CLUH: variants seen among roughly 807,000 people sequenced by gnomAD.
CLUH encodes CLUH binding protein of NUMT mRNA.
Under a neutral mutation model 139.3 loss-of-function variants are expected in CLUH, and 77 were observed. The observed-to-expected ratio is 0.55, with a 90% confidence interval of 0.46 to 0.67. CLUH has a LOEUF of 0.67. Ranked by LOEUF, CLUH falls within the 30% of genes least tolerant of loss-of-function variation. The pLI is 0.00. For missense variants in CLUH, 1,876 were observed against 1,875.8 expected, an observed-to-expected ratio of 1.00 and a Z score of 0.00; for synonymous variants, 999 against 801.6, an observed-to-expected ratio of 1.25 and a Z score of -4.16.
chr17:2,711,668 G>A lies in CLUH; in HGVS notation c.-7C>T, dbSNP rs1271446637. On this transcript the variant is annotated 5_prime_UTR_variant, in exon 1 of 26. Transcript: ENST00000651024. ...CGTCCGTCTTGATAACCATGGTGGC[G>A]GGAGCGGGCGTCCGCCTCGGCTGTC... 3.1e-6 allele frequency: 3 copies of A among 982,052 alleles called. No homozygotes were observed. The highest frequency in any genetic ancestry group is 2.3e-4 in the East Asian group (2 of 8,762). 60.8% of individuals were successfully genotyped at this position (982,052 alleles called of 1,614,324 possible).
chr17:2,691,461 CT>C, intron 25 of CLUH, 147 bp downstream of exon 25: 2 of 765,572 alleles, frequency 2.6e-6, no homozygotes, highest in Non-Finnish European at 4.4e-6. Flanking sequence ...ACTGGGGAGG[CT>C]GAGGCAGGAG....
In CLUH at chr17:2,690,574, C is replaced by A; in HGVS notation, c.*20G>T. The stretch of plus-strand genomic sequence containing the variant: ...CCCTGGTGACGGGGCCGCTGGCTGG[C>A]TGTCCGTCTGGCTCCCTCTCTATCC... On this transcript the variant is annotated 3_prime_UTR_variant, in exon 26 of 26. Coordinates refer to ENST00000651024, the MANE Select transcript of CLUH (RefSeq NM_001366661.1). 1.4e-6 allele frequency: 2 copies of A among 1,430,372 alleles called. No individual in the cohort carries two copies. The highest frequency in any genetic ancestry group is 1.5e-5 in the South Asian group (1 of 64,820). 88.6% of individuals were successfully genotyped at this position (1,430,372 alleles called of 1,614,324 possible). A position where few individuals can be genotyped will look rare whatever the true frequency, so the allele number is the denominator to read the frequency against.
chr17:2,691,498 C>T, intron 25 of CLUH, 111 bp downstream of exon 25: 5 of 1,078,318 alleles, frequency 4.6e-6, no homozygotes, highest in Non-Finnish European at 5.5e-6. Flanking sequence ...GAGGCGGAGG[C>T]TGCAGTGAGC....
intron 12 of CLUH, 87 bp from the exon 13 acceptor site, chr17:2,696,346 G>T: frequency 6.6e-7 from 1 of 1,507,440 alleles, no homozygotes; most frequent in South Asian, 1.2e-5. Flanking sequence ...TCAGATGGGG[G>T]ACAAACCCAC....
Position 2,694,843 on chromosome 17 carries a change from T to G in CLUH, c.2852+14A>C. The G allele has an allele frequency of 2.0e-5, 11 of 558,830 alleles. No homozygotes were observed. The highest frequency in any genetic ancestry group is 2.7e-5 in the Non-Finnish European group (9 of 336,838). 34.6% of individuals were successfully genotyped at this position (558,830 alleles called of 1,614,324 possible). A position where few individuals can be genotyped will look rare whatever the true frequency, so the allele number is the denominator to read the frequency against. Reference sequence around the variant, plus strand: ...CCAATCCCACCCACCCCACCGCCCCTGCCCCGCACGCACCACTCGAGGTCG... The same window carrying G: ...CCAATCCCACCCACCCCACCGCCCCGGCCCCGCACGCACCACTCGAGGTCG... On this transcript the variant is annotated intron_variant, in intron 16 of 25. Transcript: ENST00000651024.
rs533625740 is a variant in CLUH at position 2,694,574 on chromosome 17, G to A, written c.2853-10C>T. 5 of 1,566,812 alleles carry A rather than the reference G, an allele frequency of 3.2e-6. No individual in the cohort carries two copies. The South Asian group carries it at 4.7e-5, about 15-fold the overall frequency. ...CTGGTCCACGGTCTCACTGAGGAGG[G>A]AGCAGGGGGCCTGAGCAGCCCAAGC... On this transcript the variant is annotated splice_polypyrimidine_tract_variant and intron_variant, in intron 16 of 25. Transcript: ENST00000651024.
Position 2,694,874 on chromosome 17 carries a change from AAAG to A in CLUH, c.2832_2834del (p.Phe945del). ...GCACGCACCACTCGAGGTCGAAGTC[AAAG>A]TAGTTCTTGGCCTCCTGGCAGATGT... On this transcript the variant is annotated inframe_deletion, in exon 16 of 26. Coordinates refer to ENST00000651024, the MANE Select transcript of CLUH (RefSeq NM_001366661.1). 2 of 1,530,824 alleles carry A rather than the reference AAAG, an allele frequency of 1.3e-6. No individual in the cohort carries two copies. The highest frequency in any genetic ancestry group is 1.8e-6 in the Non-Finnish European group (2 of 1,134,904). The allele number at this position is 1,530,824 out of a possible 1,614,324, so 94.8% of individuals were successfully genotyped here.
Position 2,690,578 on chromosome 17 carries a change from C to T in CLUH, c.*16G>A, listed in dbSNP as rs2069582357. The T allele has an allele frequency of 1.4e-6, 2 of 1,432,560 alleles. No homozygotes were observed. The highest frequency in any genetic ancestry group is 1.8e-6 in the Non-Finnish European group (2 of 1,089,304). The allele number at this position is 1,432,560 out of a possible 1,614,324, so 88.7% of individuals were successfully genotyped here. On this transcript the variant is annotated 3_prime_UTR_variant, in exon 26 of 26. Transcript: ENST00000651024. ...GGTGACGGGGCCGCTGGCTGGCTGT[C>T]CGTCTGGCTCCCTCTCTATCCCTGC...
intron 3 of CLUH, 88 bp from the exon 4 acceptor site, chr17:2,702,145 A>C: frequency 6.8e-7 from 1 of 1,465,308 alleles, no homozygotes. Flanking sequence ...TGGAGGTGCT[A>C]ACACAGTGGT....
chr17:2,695,816 T>C (rs1429820705), intron 13 of CLUH: 4 of 580,478 alleles, frequency 6.9e-6, no homozygotes, highest in Non-Finnish European at 1.2e-5. Flanking sequence ...GGCCACGGTG[T>C]TGGGGGAGCA....
chr17:2,698,445 C>T lies in CLUH; in HGVS notation c.1412G>A (p.Arg471Gln), dbSNP rs1401086451. The T allele has an allele frequency of 2.2e-5, 35 of 1,613,234 alleles. No individual in the cohort carries two copies. Among genetic ancestry groups the T allele is most frequent in the Non-Finnish European group, 2.7e-5 (32 of 1,179,842 alleles). ...NIFFSLGFDV[R>Q]DHYKDFGGDV... ...CCCCCCGAAGTCCTTGTAGTGGTCT[C>T]GGACGTCGAAGCCCAGGCTGAAGAA... Residue 471 changes from arginine (R) to glutamine (Q), a missense_variant, in exon 10 of 26, where the codon CGA (arginine) becomes CAA (glutamine). Physicochemically the swap from Arg to Gln is conservative, Grantham distance 43 (BLOSUM62 1). Coordinates refer to ENST00000651024, the MANE Select transcript of CLUH (RefSeq NM_001366661.1).
chr17:2,694,651 C>T (rs1277172031), intron 16 of CLUH, 87 bp from the exon 17 acceptor site: 1 of 1,398,894 alleles, frequency 7.1e-7, no homozygotes. Context: ...CGCTGTCCAG[C>T]CCGGGCCCCC....
Position 2,691,785 on chromosome 17 carries a change from G to C in CLUH, c.3765C>G (p.Ser1255=). Residue 1255 remains serine (S), a synonymous_variant, in exon 24 of 26, where the codon TCC becomes TCG. Coordinates refer to ENST00000651024, the MANE Select transcript of CLUH (RefSeq NM_001366661.1). ...CCTTGAGGGGCGGGATGTTGGCGCT[G>C]GAGCCGTTGCGGTAGATCTCGTTCA... The part of the protein sequence containing the change: ...RTMNEIYRNG[S]SANIPPLKFT... 6.3e-7 allele frequency: 1 copy of C among 1,592,314 alleles called. No individual in the cohort carries two copies. The highest frequency in any genetic ancestry group is 2.3e-5 in the East Asian group (1 of 43,750).
chr17:2,698,636 A>G (rs1414913306), intron 9 of CLUH, 46 bp from the exon 10 acceptor site: 32 of 1,489,450 alleles, frequency 2.1e-5, no homozygotes, highest in Non-Finnish European at 2.6e-5. Flanking sequence ...CGCCCACAAG[A>G]GCCTGCATCC....
rs1274228913 is a variant in CLUH, at chr17:2,711,691, G to C, written c.-30C>G. ...GCGGGAGCGGGCGTCCGCCTCGGCT[G>C]TCCGCGCCGCCCGCCGCGCCACTAA... is the stretch of plus-strand genomic sequence containing the variant. On this transcript the variant is annotated 5_prime_UTR_variant, in exon 1 of 26. Coordinates refer to ENST00000651024, the MANE Select transcript of CLUH (RefSeq NM_001366661.1). 1 of 935,086 alleles carries C rather than the reference G, an allele frequency of 1.1e-6. No individual in the cohort carries two copies. The highest frequency in any genetic ancestry group is 5.4e-4 in the Middle Eastern group (1 of 1,846). 57.9% of individuals were successfully genotyped at this position (935,086 alleles called of 1,614,324 possible).
chr17:2,699,236 T>A (rs1291624785), intron 9 of CLUH, among the ~76,000 whole-genome samples: 1 of 152,240 alleles, frequency 6.6e-6, no homozygotes, highest in African/African-American at 2.4e-5. Flanking sequence ...ATAGTCTCTA[T>A]AACGCACTTG....
chr17:2,692,751 C>T (rs756120490), intron 20 of CLUH, 29 bp downstream of exon 20: 1 of 1,599,716 alleles, frequency 6.3e-7, no homozygotes, highest in Non-Finnish European at 8.5e-7. Context: ...CCCTCGCATC[C>T]CCCGGCGCGG....
At chr17:2,693,391 G>A (rs1442641275) in intron 19 of CLUH, among the ~76,000 whole-genome samples, 1 of 127,014 alleles carries the variant, frequency 7.9e-6, no homozygotes, top group Non-Finnish European at 1.8e-5. Context: ...GCAAGACCCT[G>A]TCTCAGAAAC....
chr17:2,698,216 C>T lies in CLUH; in HGVS notation c.1641G>A (p.Lys547=), dbSNP rs576153688. 3.8e-6 allele frequency: 6 copies of T among 1,584,466 alleles called. No homozygotes were observed. The East Asian group carries it at 1.2e-4, about 31-fold the overall frequency. ...SVIYGSIDFG[K]TVVSHPRYLE... ...GGTACCGCGGGTGTGACACCACGGT[C>T]TTGCCGAAGTCGATGGAGCCGTAGA... Residue 547 remains lysine (K), a synonymous_variant, in exon 10 of 26, where the codon AAG becomes AAA. Coordinates refer to ENST00000651024, the MANE Select transcript of CLUH (RefSeq NM_001366661.1).
Sources: gnomAD v4.1 joint callset for allele counts (sites outside exome capture counted in the v4.1 genomes callset) on GRCh38, gnomAD v4.1.1 for gene constraint, MANE v1.5 for transcripts, NCBI Gene and HGNC (gene_info 2026-07-23, HGNC 2026-07-21) for gene names.